Variants in EPM2A observed in about 807,000 individuals in gnomAD.
EPM2A encodes EPM2A glucan phosphatase, laforin, also known as laforin.
In EPM2A, 21 loss-of-function variants were observed where a neutral mutation model predicts 26.5. The ratio of observed to expected loss-of-function variants is 0.79; its 90% CI spans 0.56 to 1.14. EPM2A has a LOEUF of 1.14. EPM2A is among the 50% of genes most tolerant of loss of function. The probability of loss-of-function intolerance (pLI) is 0.00; values close to 1 mark genes in which losing one functional copy is unlikely to be tolerated. For synonymous variants in EPM2A, 217 were observed against 177.6 expected, an observed-to-expected ratio of 1.22 and a Z score of -1.76; for missense variants, 458 against 440.8, an observed-to-expected ratio of 1.04 and a Z score of -0.35.
chr6:145,661,899 C>T (rs1280804918), intron 2 of EPM2A, among the ~76,000 whole-genome samples: 6 of 152,026 alleles, frequency 3.9e-5, no homozygotes, highest in Non-Finnish European at 8.8e-5. Context: ...CATCTCTGGG[C>T]TTTGCTTTCT....
chr6:145,688,077 G>C (rs1027077925), intron 1 of EPM2A, among the ~76,000 whole-genome samples: 7 of 151,936 alleles, frequency 4.6e-5, no homozygotes, highest in Non-Finnish European at 8.8e-5. Flanking sequence ...GATATTTATT[G>C]AGACAGGTAC....
chr6:145,684,786 C>T (rs1006577087), intron 2 of EPM2A: 3 of 107,672 alleles, frequency 2.8e-5, no homozygotes, highest in African/African-American at 1.2e-4. Context: ...TTCCCCATCT[C>T]AGTAAGTGGC....
At chr6:145,520,961 A>G (rs1241668321) in intron 2 of EPM2A, among the ~76,000 whole-genome samples, 1 of 152,220 alleles carries the variant, frequency 6.6e-6, no homozygotes, top group East Asian at 1.9e-4. Flanking sequence ...AGAGAAAGTA[A>G]TTTTAAATAT....
chr6:145,597,538 T>A (rs1781364009), intron 2 of EPM2A, among the ~76,000 whole-genome samples: 1 of 152,102 alleles, frequency 6.6e-6, no homozygotes, highest in African/African-American at 2.4e-5. Context: ...TATGGCTCTT[T>A]TCTAATTTTT....
At chr6:145,582,636 G>T (rs1781131315) in intron 2 of EPM2A, among the ~76,000 whole-genome samples, 1 of 152,150 alleles carries the variant, frequency 6.6e-6, no homozygotes, top group Non-Finnish European at 1.5e-5. Context: ...GTCCCTTGAG[G>T]GTGATTGTCT....
rs142003989 is a variant in EPM2A at position 145,547,232 on chromosome 6, T to C, written c.341-44657A>G. Among the ~76,000 whole-genome samples, 226 of 152,242 alleles carry C rather than the reference T, an allele frequency of 1.5e-3. 3 individuals are homozygous for C. In the East Asian group the frequency reaches 0.043, roughly 29 times the overall value. On this transcript the variant is annotated intron_variant, in intron 2 of 3. Transcript: ENST00000450221. ...CAAATTCAAAATCTGGAAAGCATTG[T>C]CCACTAAGCCTTCCTCTGCCCTCTC...
At chr6:145,433,822 G>T (rs1208782860) in intron 4 of EPM2A, among the ~76,000 whole-genome samples, 2 of 151,984 alleles carry the variant, frequency 1.3e-5, no homozygotes, top group African/African-American at 4.8e-5. Context: ...TGGTTTTGTT[G>T]CTTTAAACAG....
chr6:145,632,667 C>T (rs1230639489), intron 3 of EPM2A, among the ~76,000 whole-genome samples: 1 of 152,218 alleles, frequency 6.6e-6, no homozygotes, highest in East Asian at 1.9e-4. Context: ...AAACTGTCTT[C>T]TTTCTCAGAC....
intron 2 of EPM2A, among the ~76,000 whole-genome samples, chr6:145,664,161 A>G (rs1193804904): frequency 4.7e-4 from 40 of 85,278 alleles, no homozygotes; most frequent in Non-Finnish European, 7.4e-4. Context: ...TTCACACACA[A>G]CAATATTAAC....
intron 2 of EPM2A, among the ~76,000 whole-genome samples, chr6:145,510,060 A>C (rs1354627083): frequency 1.3e-5 from 2 of 152,162 alleles, no homozygotes; most frequent in Non-Finnish European, 2.9e-5. Context: ...TGTTTACCCA[A>C]CATTGGAGCA....
intron 2 of EPM2A, among the ~76,000 whole-genome samples, chr6:145,681,879 A>G (rs970767186): frequency 1.6e-4 from 24 of 152,214 alleles, no homozygotes; most frequent in African/African-American, 5.3e-4. Context: ...ATGTCCTAGC[A>G]TTCCCAGTAA....
intron 2 of EPM2A, among the ~76,000 whole-genome samples, chr6:145,607,174 C>T (rs1013820192): frequency 2.6e-5 from 4 of 152,118 alleles, no homozygotes; most frequent in African/African-American, 9.7e-5. Context: ...ACTCAAATAA[C>T]CTCGTTAAAG....
intron 2 of EPM2A, among the ~76,000 whole-genome samples, chr6:145,682,125 C>T (rs1206682309): frequency 2.0e-5 from 3 of 152,048 alleles, no homozygotes; most frequent in African/African-American, 7.2e-5. Flanking sequence ...CCACGTGGCT[C>T]GGGAGGCCTC....
rs563535294 is a variant in EPM2A, at chr6:145,480,735, T to C, written c.555+21787A>G. On this transcript the variant is annotated intron_variant, in intron 4 of 4. Coordinates refer to the EPM2A transcript ENST00000638717. ...TTCAATTGTATCTGACAATATTTGA[T>C]AGCTTATTGTCATTTGCTTATTTTT... Among the ~76,000 whole-genome samples, 23 of 152,248 alleles carry C rather than the reference T, an allele frequency of 1.5e-4. No individual in the cohort carries two copies. The East Asian group carries it at 3.5e-3, about 23-fold the overall frequency.
chr6:145,681,168 T>A (rs1780500804), intron 2 of EPM2A, among the ~76,000 whole-genome samples: 1 of 150,638 alleles, frequency 6.6e-6, no homozygotes, highest in Non-Finnish European at 1.5e-5. Flanking sequence ...TTTCATGTGT[T>A]TTTTGGCTGC....
chr6:145,476,239 T>C (rs1779541511), intron 4 of EPM2A, among the ~76,000 whole-genome samples: 1 of 152,064 alleles, frequency 6.6e-6, no homozygotes, highest in Admixed American at 6.6e-5. Flanking sequence ...AAAACAATTT[T>C]AAATATATAT....
At chr6:145,518,618 A>ACC (rs1562366867) in intron 2 of EPM2A, among the ~76,000 whole-genome samples, 2 of 144,362 alleles carry the variant, frequency 1.4e-5, no homozygotes, top group Non-Finnish European at 3.0e-5. Flanking sequence ...AAAAAAAAAA[A>ACC]AAAAACAAAG....
chr6:145,719,019 T>C (rs1243751591), intron 1 of EPM2A, among the ~76,000 whole-genome samples: 1 of 152,216 alleles, frequency 6.6e-6, no homozygotes, highest in South Asian at 2.1e-4. Flanking sequence ...TTTTACACTG[T>C]TGGTGGACTG....
At chr6:145,732,201 T>TTGTGTGTGTG (rs66889564) in intron 1 of EPM2A, among the ~76,000 whole-genome samples, 88 of 138,538 alleles carry the variant, frequency 6.4e-4, no homozygotes, top group African/African-American at 2.4e-3. Flanking sequence ...CAGCTAAGAC[T>TTGTGTGTGTG]TGTGTGTGTG....
Sources: allele counts gnomAD v4.1 joint callset (sites outside exome capture counted in the v4.1 genomes callset), GRCh38; gene constraint gnomAD v4.1.1; transcripts MANE v1.5; gene names NCBI Gene and HGNC (gene_info 2026-07-23, HGNC 2026-07-21).